The following PPP1R3A variants were observed in gnomAD, a reference collection of about 807,000 sequenced individuals.
The protein encoded by PPP1R3A is protein phosphatase 1 regulatory subunit 3A, also known as RG1.
PPP1R3A carries 29 observed loss-of-function variants against 41.7 expected under a neutral mutation model. The ratio of observed to expected loss-of-function variants is 0.70; its 90% confidence interval spans 0.52 to 0.95. The LOEUF (loss-of-function observed/expected upper bound fraction) is 0.95. PPP1R3A is among the 40% of genes least tolerant of loss of function. PPP1R3A has a pLI of 0.00. For synonymous variants in PPP1R3A, 485 were observed against 453.4 expected (o/e 1.07, Z -0.89); for missense variants, 1,352 against 1,292.4 (o/e 1.05, Z -0.71).
chr7:113,890,932 A>G lies in PPP1R3A; in HGVS notation c.783-8612T>C, dbSNP rs547002230. Among the ~76,000 whole-genome samples, 4 of 152,004 alleles carry G rather than the reference A, an allele frequency of 2.6e-5. No homozygotes were observed. In the South Asian group the frequency reaches 8.3e-4, roughly 32 times the overall value. Reference sequence around the variant, plus strand: ...CATACTTGGATTGTCTCATCCCATCATTTTATAGAGAAAAGAAAACTAAAG... The same window carrying G: ...CATACTTGGATTGTCTCATCCCATCGTTTTATAGAGAAAAGAAAACTAAAG... On this transcript the variant is annotated intron_variant, in intron 1 of 3. Transcript: ENST00000284601.
intron 1 of PPP1R3A, among the ~76,000 whole-genome samples, chr7:113,913,705 A>G (rs1187533136): frequency 6.6e-6 from 1 of 152,148 alleles, no homozygotes; most frequent in Non-Finnish European, 1.5e-5. Flanking sequence ...AAAAAAAGCC[A>G]AGATGCTGAG....
intron 1 of PPP1R3A, among the ~76,000 whole-genome samples, chr7:113,903,995 T>C (rs1197691330): frequency 6.6e-6 from 1 of 151,748 alleles, no homozygotes; most frequent in African/African-American, 2.4e-5. Context: ...CTAATTGTGG[T>C]AGCCTGCAGT....
intron 1 of PPP1R3A, among the ~76,000 whole-genome samples, chr7:113,904,927 C>T (rs943174122): frequency 6.6e-6 from 1 of 151,514 alleles, no homozygotes; most frequent in Non-Finnish European, 1.5e-5. Flanking sequence ...CAAAATGTAT[C>T]AATAAAATTT....
rs771104644 is a variant in PPP1R3A at position 113,878,289 on chromosome 7, C to G, written c.2803G>C (p.Glu935Gln). Residue 935 changes from glutamate to glutamine, a missense_variant, in exon 4 of 4, where the codon GAG becomes CAG. By Grantham distance (29) the Glu-to-Gln change is conservative. Coordinates refer to ENST00000284601, the MANE Select transcript of PPP1R3A (RefSeq NM_002711.4). ...VSTNEQAIAV[E>Q]NAVTTMASQP... ...CTAGCCATGGTAGTAACTGCATTCT[C>G]TACAGCAATTGCCTGCTCATTAGTT... 3.7e-6 allele frequency: 6 copies of G among 1,613,130 alleles called. No homozygotes were observed. Among genetic ancestry groups the G allele is most frequent in the East Asian group, 2.2e-5 (1 of 44,822 alleles).
At chr7:113,913,172 C>T (rs1584421772) in intron 1 of PPP1R3A, among the ~76,000 whole-genome samples, 1 of 152,036 alleles carries the variant, frequency 6.6e-6, no homozygotes, top group Non-Finnish European at 1.5e-5. Flanking sequence ...GGACTCAAAA[C>T]GAGTTAGTTA....
Position 113,915,990 on chromosome 7 carries a change from A to G in PPP1R3A, c.782+2225T>C, listed in dbSNP as rs141190045. 1.5e-3 allele frequency among the ~76,000 whole-genome samples: 233 copies of G among 152,168 alleles called. 1 individual carries two copies. In the Middle Eastern group the frequency reaches 0.024, roughly 16 times the overall value. On this transcript the variant is annotated intron_variant, in intron 1 of 3. Coordinates refer to ENST00000284601, the MANE Select transcript of PPP1R3A (RefSeq NM_002711.4). ...CATGGAAAAGCTGTATAAATATTCT[A>G]TTATGGCACATGCTGTTCTAAGGAT... is the stretch of plus-strand genomic sequence containing the variant.
chr7:113,878,945 A>C lies in PPP1R3A; in HGVS notation c.2147T>G (p.Leu716Arg), dbSNP rs747545293. The change falls in exon 4 of 4, where the codon CTA becomes CGA. Residue 716 changes from leucine to arginine, a missense_variant. Leu to Arg is a moderately radical substitution (Grantham distance 102). Coordinates refer to ENST00000284601, the MANE Select transcript of PPP1R3A (RefSeq NM_002711.4). ...QETVCCELSS[L>R]ADHGITEKAE... ...TTTCTCAGTAATGCCATGATCAGCTAGAGAAGACAGTTCACAGCACACTGT... is the reference window on the plus strand; with the variant it reads ...TTTCTCAGTAATGCCATGATCAGCTCGAGAAGACAGTTCACAGCACACTGT... 1 of 1,613,206 alleles carries C rather than the reference A, an allele frequency of 6.2e-7. No individual in the cohort carries two copies. Among genetic ancestry groups the C allele is most frequent in the Admixed American group, 1.7e-5 (1 of 59,896 alleles).
At chr7:113,894,078 A>T (rs1796938673) in intron 1 of PPP1R3A, among the ~76,000 whole-genome samples, 1 of 151,956 alleles carries the variant, frequency 6.6e-6, no homozygotes, top group South Asian at 2.1e-4. Flanking sequence ...TAATTCTCTG[A>T]TTGGATTGGG....
intron 1 of PPP1R3A, among the ~76,000 whole-genome samples, chr7:113,913,369 C>G (rs1195798657): frequency 2.6e-5 from 4 of 152,096 alleles, no homozygotes; most frequent in Non-Finnish European, 5.9e-5. Flanking sequence ...CTCATTTTCA[C>G]AATTTTACCA....
intron 1 of PPP1R3A, among the ~76,000 whole-genome samples, chr7:113,912,740 G>A (rs1423473733): frequency 6.6e-6 from 1 of 151,448 alleles, no homozygotes; most frequent in African/African-American, 2.4e-5. Context: ...GAGCATTTTT[G>A]GCTCAGAAAT....
chr7:113,911,123 T>C (rs1388464540), intron 1 of PPP1R3A, among the ~76,000 whole-genome samples: 1 of 152,082 alleles, frequency 6.6e-6, no homozygotes, highest in East Asian at 1.9e-4. Context: ...CAGGTTTGTT[T>C]AATTGGTCTC....
chr7:113,887,076 C>T (rs1356664582), intron 1 of PPP1R3A, among the ~76,000 whole-genome samples: 2 of 152,044 alleles, frequency 1.3e-5, no homozygotes, highest in East Asian at 3.9e-4. Context: ...ATTACTATGA[C>T]AGTGTTCTTC....
chr7:113,887,137 T>C (rs907786090), intron 1 of PPP1R3A, among the ~76,000 whole-genome samples: 6 of 152,124 alleles, frequency 3.9e-5, no homozygotes, highest in African/African-American at 1.4e-4. Context: ...TTAAAATATG[T>C]ATATTTTTGT....
At chr7:113,893,807 G>A (rs571457693) in intron 1 of PPP1R3A, among the ~76,000 whole-genome samples, 307 of 152,118 alleles carry the variant, frequency 2.0e-3, no homozygotes, top group Non-Finnish European at 2.9e-3. Context: ...GTACCTCGGA[G>A]CTTGATCTTA....
Position 113,878,471 on chromosome 7 carries a change from G to A in PPP1R3A, c.2621C>T (p.Thr874Ile). Residue 874 changes from threonine to isoleucine, a missense_variant, in exon 4 of 4, where the codon ACT (threonine) becomes ATT (isoleucine). Thr to Ile is a moderately conservative substitution (Grantham distance 89). Transcript: ENST00000284601. ...LQLGMLPTDK[T>I]VFSENRDLRQ... ...AAGATCTCTGTTTTCTGAAAATACA[G>A]TTTTGTCTGTTGGTAACATTCCCAA... 1.2e-6 allele frequency: 2 copies of A among 1,612,912 alleles called. No individual in the cohort carries two copies. The highest frequency in any genetic ancestry group is 1.1e-5 in the South Asian group (1 of 91,060).
chr7:113,896,812 G>A (rs1306816738), intron 1 of PPP1R3A, among the ~76,000 whole-genome samples: 1 of 151,626 alleles, frequency 6.6e-6, no homozygotes, highest in Non-Finnish European at 1.5e-5. Context: ...TTATTATATT[G>A]GCATTTTGCA....
chr7:113,878,858 G>A lies in PPP1R3A; in HGVS notation c.2234C>T (p.Ser745Phe). 6.2e-7 allele frequency: 1 copy of A among 1,613,130 alleles called. No homozygotes were observed. Among genetic ancestry groups the A allele is most frequent in the Non-Finnish European group, 8.5e-7 (1 of 1,179,768 alleles). The part of the protein sequence containing the change: ...TTSESTPESM[S>F]AREKAIIAKL... Reference sequence around the variant, plus strand: ...AGCAATTATTGCTTTTTCTCTAGCAGACATGCTTTCTGGAGTACTTTCTGA... The same window carrying A: ...AGCAATTATTGCTTTTTCTCTAGCAAACATGCTTTCTGGAGTACTTTCTGA... The change falls in exon 4 of 4, where the codon TCT (serine) becomes TTT (phenylalanine). Residue 745 changes from serine to phenylalanine, a missense_variant. Ser to Phe is a radical substitution (Grantham distance 155). Transcript: ENST00000284601.
intron 1 of PPP1R3A, among the ~76,000 whole-genome samples, chr7:113,902,524 C>T (rs1797082875): frequency 6.6e-6 from 1 of 151,818 alleles, no homozygotes. Context: ...CTCTCTGCAT[C>T]TCCTGCTGTG....
chr7:113,895,779 A>G (rs1796966658), intron 1 of PPP1R3A, among the ~76,000 whole-genome samples: 1 of 151,924 alleles, frequency 6.6e-6, no homozygotes. Context: ...CTATTATTAA[A>G]CTGGATTTGT....
Sources: allele counts gnomAD v4.1 joint callset (sites outside exome capture counted in the v4.1 genomes callset), GRCh38; gene constraint gnomAD v4.1.1; transcripts MANE v1.5; gene names NCBI Gene and HGNC (gene_info 2026-07-23, HGNC 2026-07-21).